The following PTGER3 variants were observed in gnomAD, a reference collection of about 807,000 sequenced individuals.
PTGER3 encodes the protein prostaglandin E receptor 3.
A neutral mutation model predicts 34.7 loss-of-function variants in PTGER3; 22 were observed. The ratio of observed to expected loss-of-function variants is 0.63; its 90% CI spans 0.45 to 0.91. The LOEUF is 0.91. Among genes scored for constraint, PTGER3 ranks in the 40% least tolerant of loss-of-function variants. The pLI is 0.00. For synonymous variants in PTGER3, 241 were observed against 230.1 expected (o/e 1.05, Z -0.43); for missense variants, 468 against 519.4 (o/e 0.90, Z 0.96).
Position 70,974,404 on chromosome 1 carries a change from G to A in PTGER3, c.1078-16C>T, listed in dbSNP as rs1175729246. The stretch of plus-strand genomic sequence containing the variant: ...GGTACCTGATCTGTGAACAGACAGA[G>A]GATTTCACAGGACACTTCCTTGAGT... On this transcript the variant is annotated splice_polypyrimidine_tract_variant and intron_variant, in intron 2 of 3. Transcript: ENST00000306666. 1 of 877,896 alleles carries A rather than the reference G, an allele frequency of 1.1e-6. No individual in the cohort carries two copies. Among genetic ancestry groups the A allele is most frequent in the Non-Finnish European group, 2.0e-6 (1 of 508,802 alleles). The allele number at this position is 877,896 out of a possible 1,614,324, so 54.4% of individuals were successfully genotyped here. A position where few individuals can be genotyped will look rare whatever the true frequency, so the allele number is the denominator to read the frequency against.
At chr1:70,935,734 C>A (rs560375165) in intron 4 of PTGER3, among the ~76,000 whole-genome samples, 14 of 147,914 alleles carry the variant, frequency 9.5e-5, no homozygotes, top group Non-Finnish European at 1.8e-4. Context: ...AATGTGCATG[C>A]AAAGATATTC....
chr1:70,868,679 G>GAATGAAAATGGAAGCCAA (rs1268061218), intron 4 of PTGER3, among the ~76,000 whole-genome samples: 1 of 152,080 alleles, frequency 6.6e-6, no homozygotes, highest in Non-Finnish European at 1.5e-5. Context: ...TCTAGAACAA[G>GAATGAAAATGGAAGCCAA]AATGAAAATG....
At chr1:70,904,167 C>T (rs991205056) in intron 4 of PTGER3, among the ~76,000 whole-genome samples, 3 of 152,190 alleles carry the variant, frequency 2.0e-5, no homozygotes, top group Non-Finnish European at 4.4e-5. Context: ...CTTGCTCCTC[C>T]TTGCCTTCTG....
At chr1:70,919,403 C>T (rs1647317116) in intron 4 of PTGER3, among the ~76,000 whole-genome samples, 1 of 152,054 alleles carries the variant, frequency 6.6e-6, no homozygotes, top group African/African-American at 2.4e-5. Context: ...CTTTCCTTTC[C>T]AGTGAGCTGA....
chr1:70,968,627 T>A (rs1241926053), downstream of PTGER3, among the ~76,000 whole-genome samples: 1 of 152,006 alleles, frequency 6.6e-6, no homozygotes, highest in Non-Finnish European at 1.5e-5. Context: ...AATGGATACA[T>A]TTGTCTAGAT....
At chr1:70,961,635 C>A (rs917856836) in intron 2 of PTGER3, among the ~76,000 whole-genome samples, 3 of 152,190 alleles carry the variant, frequency 2.0e-5, no homozygotes, top group Non-Finnish European at 4.4e-5. Flanking sequence ...TTAATGGTGG[C>A]TCTAGCCTCA....
chr1:71,025,553 T>G (rs888485260), intron 1 of PTGER3, among the ~76,000 whole-genome samples: 1 of 152,154 alleles, frequency 6.6e-6, no homozygotes, highest in Non-Finnish European at 1.5e-5. Flanking sequence ...AAGTGTTATA[T>G]ATGATTCTAG....
intron 4 of PTGER3, among the ~76,000 whole-genome samples, chr1:70,882,287 T>C (rs2100598861): frequency 6.6e-6 from 1 of 152,288 alleles, no homozygotes; most frequent in East Asian, 1.9e-4. Context: ...GCTGCACTCT[T>C]GGCTGAGTTT....
intron 2 of PTGER3, chr1:71,006,871 C>G: frequency 1.0e-6 from 1 of 985,302 alleles, no homozygotes; most frequent in African/African-American, 1.7e-5. Flanking sequence ...TCAGAATATT[C>G]AACTTTATTT....
intron 1 of PTGER3, among the ~76,000 whole-genome samples, chr1:71,023,739 C>T (rs1020171582): frequency 2.0e-5 from 3 of 151,820 alleles, no homozygotes; most frequent in African/African-American, 2.4e-5. Flanking sequence ...TCTTTCTCTA[C>T]GTCTCTCTGT....
downstream of PTGER3, chr1:70,952,364 G>A: frequency 1.1e-6 from 1 of 951,034 alleles, no homozygotes; most frequent in Non-Finnish European, 1.3e-6. Context: ...ACACTTCCTA[G>A]TTTTGTTAAT....
chr1:71,000,257 G>T (rs931720919), intron 2 of PTGER3, among the ~76,000 whole-genome samples: 1 of 152,162 alleles, frequency 6.6e-6, no homozygotes, highest in Non-Finnish European at 1.5e-5. Flanking sequence ...CTCATTAACT[G>T]TTGTGTATTT....
downstream of PTGER3, among the ~76,000 whole-genome samples, chr1:70,966,928 A>G (rs181338027): frequency 5.3e-5 from 8 of 152,224 alleles, no homozygotes; most frequent in African/African-American, 1.9e-4. Context: ...ATGTGTCTTT[A>G]TAGTAGAATG....
At chr1:70,945,727 A>G (rs985263834) in intron 4 of PTGER3, among the ~76,000 whole-genome samples, 3 of 152,112 alleles carry the variant, frequency 2.0e-5, no homozygotes, top group African/African-American at 7.2e-5. Context: ...AAGTGCATCA[A>G]TAAAACCTTT....
chr1:70,854,246 A>C (rs530028606), intron 4 of PTGER3, among the ~76,000 whole-genome samples: 53 of 152,316 alleles, frequency 3.5e-4, no homozygotes, highest in Non-Finnish European at 6.6e-4. Context: ...TAGATTCAGA[A>C]TATATAAAGA....
chr1:70,966,965 G>C (rs947535968), downstream of PTGER3, among the ~76,000 whole-genome samples: 1 of 152,032 alleles, frequency 6.6e-6, no homozygotes, highest in Admixed American at 6.5e-5. Flanking sequence ...TATATACCCA[G>C]TAATAGGATT....
chr1:70,981,386 TC>T (rs1654333715), intron 2 of PTGER3, among the ~76,000 whole-genome samples: 2 of 65,840 alleles, frequency 3.0e-5, no homozygotes, highest in African/African-American at 1.2e-4. Context: ...TTTCTTTCTT[TC>T]TTTCTTTCCT....
chr1:70,902,120 T>C (rs930310874), intron 4 of PTGER3, among the ~76,000 whole-genome samples: 4 of 152,254 alleles, frequency 2.6e-5, no homozygotes, highest in African/African-American at 9.6e-5. Flanking sequence ...GAAGAAAAGA[T>C]ACCTATAAGT....
intron 2 of PTGER3, among the ~76,000 whole-genome samples, chr1:70,960,914 A>G (rs1355663981): frequency 6.6e-6 from 1 of 152,178 alleles, no homozygotes; most frequent in Non-Finnish European, 1.5e-5. Flanking sequence ...ACAAATGTAG[A>G]TCTGAAACTT....
Sources: gnomAD v4.1 joint callset for allele counts (sites outside exome capture counted in the v4.1 genomes callset) on GRCh38, gnomAD v4.1.1 for gene constraint, MANE v1.5 for transcripts, NCBI Gene and HGNC (gene_info 2026-07-23, HGNC 2026-07-21) for gene names.